ACTR6: variants seen among roughly 807,000 people sequenced by gnomAD.
ACTR6 encodes actin related protein 6, also known as actin-related protein 6.
Under a neutral mutation model 52.5 loss-of-function variants are expected in ACTR6, and 50 were observed. That is an observed-to-expected ratio of 0.95 (90% CI 0.76 to 1.20). The LOEUF is 1.20. Ranked by LOEUF, ACTR6 falls within the 50% of genes most tolerant of loss-of-function variation. The pLI is 0.00. For synonymous variants in ACTR6, 135 were observed against 147.2 expected (o/e 0.92, Z 0.60); for missense variants, 344 against 472.4 (o/e 0.73, Z 2.52).
chr12:100,218,590 C>A lies in ACTR6; in HGVS notation c.922+4C>A. ...TCAATTCAAAATCTACCTGAAGGTA[C>A]ATAAATAGAGTAAAATACTAAAGAA... On this transcript the variant is annotated splice_donor_region_variant and intron_variant, in intron 9 of 10. Coordinates refer to ENST00000188312, the MANE Select transcript of ACTR6 (RefSeq NM_022496.5). The surrounding 1 kb of genome is among the most constrained non-coding windows in gnomAD (Gnocchi z 4.2). 1.4e-6 allele frequency: 2 copies of A among 1,471,668 alleles called. No homozygotes were observed. Among genetic ancestry groups the A allele is most frequent in the Non-Finnish European group, 9.1e-7 (1 of 1,103,938 alleles). 91.2% of individuals were successfully genotyped at this position (1,471,668 alleles called of 1,614,324 possible).
intron 10 of ACTR6, among the ~76,000 whole-genome samples, chr12:100,222,233 G>C (rs1261767244): frequency 1.3e-5 from 2 of 148,756 alleles, no homozygotes; most frequent in Non-Finnish European, 3.0e-5. Flanking sequence ...GATTACAGGT[G>C]TGAGCTACTG....
chr12:100,219,894 G>C (rs1228067560), intron 9 of ACTR6, 114 bp from the exon 10 acceptor site: 1 of 1,050,518 alleles, frequency 9.5e-7, no homozygotes, highest in Admixed American at 2.7e-5. Flanking sequence ...TTTCCCACCA[G>C]TAACTGTAAT....
Position 100,212,351 on chromosome 12 carries a change from C to A in ACTR6, c.668C>A (p.Ala223Glu). 6.2e-7 allele frequency: 1 copy of A among 1,604,440 alleles called. No homozygotes were observed. Among genetic ancestry groups the A allele is most frequent in the Non-Finnish European group, 8.5e-7 (1 of 1,172,290 alleles). ...SQDFYRDMDI[A>E]KLKGEENTVM... ...GATTTTTATAGAGACATGGATATTG[C>A]AAAGTATGTATAATGACAATCTAAG... Residue 223 changes from alanine (A) to glutamate (E), a missense_variant, in exon 7 of 11, where the codon GCA becomes GAA. Transcript: ENST00000188312.
chr12:100,202,125 G>T (rs963388313), intron 1 of ACTR6, among the ~76,000 whole-genome samples: 5 of 152,050 alleles, frequency 3.3e-5, no homozygotes, highest in Non-Finnish European at 7.3e-5. Context: ...AGAGACGGGG[G>T]TTTCACCATT....
At chr12:100,214,562 C>CAA (rs1258155369) in intron 8 of ACTR6, among the ~76,000 whole-genome samples, 44 of 64,838 alleles carry the variant, frequency 6.8e-4, no homozygotes, top group East Asian at 2.1e-3. Flanking sequence ...CCTGTCTCTA[C>CAA]AAAAAAAAAA....
At chr12:100,208,849 G>T (rs1343141102) in intron 4 of ACTR6, 3 of 441,714 alleles carry the variant, frequency 6.8e-6, no homozygotes, top group Non-Finnish European at 1.4e-5. Context: ...TGGGCTCAAG[G>T]GATCCTCCCG....
At position 100,207,599 on chromosome 12, in the gene ACTR6, A is replaced by G. The variant is rs955317901; in HGVS notation, c.256-64A>G. 29 of 1,315,214 alleles carry G rather than the reference A, an allele frequency of 2.2e-5. No homozygotes were observed. The East Asian group carries it at 7.3e-4, about 33-fold the overall frequency. 81.5% of individuals were successfully genotyped at this position (1,315,214 alleles called of 1,614,324 possible). A position where few individuals can be genotyped will look rare whatever the true frequency, so the allele number is the denominator to read the frequency against. On this transcript the variant is annotated intron_variant, in intron 3 of 10. Coordinates refer to ENST00000188312, the MANE Select transcript of ACTR6 (RefSeq NM_022496.5). ...GAGGATTAAATAAATTTGTTTGTAC[A>G]TGTAAAACAAGTGTTAATTATCATT...
Position 100,205,499 on chromosome 12 carries a change from AT to A in ACTR6, c.187-168del, listed in dbSNP as rs1019543768. 317 of 382,882 alleles carry A rather than the reference AT, an allele frequency of 8.3e-4. 1 individual carries two copies. The highest frequency in any genetic ancestry group is 2.3e-3 in the Middle Eastern group (3 of 1,290). 23.7% of individuals were successfully genotyped at this position (382,882 alleles called of 1,614,324 possible). ...CCAGAATTTAAAGTATAATAAAAAA[AT>A]TTTTTTTTAAATTAAAAAAAAGAAA... On this transcript the variant is annotated intron_variant, in intron 2 of 10. Transcript: ENST00000188312.
At position 100,223,979 on chromosome 12, in the gene ACTR6, T is replaced by TA; in HGVS notation, c.*64_*65insA. On this transcript the variant is annotated 3_prime_UTR_variant, in exon 11 of 11. Coordinates refer to ENST00000188312, the MANE Select transcript of ACTR6 (RefSeq NM_022496.5). ...ATTTCAAAGTTCCTTTTAAAAGAGG[T>TA]TAAGGAACTGTGTTACCTTTTGTCC... is the stretch of plus-strand genomic sequence containing the variant. 6.5e-7 allele frequency: 1 copy of TA among 1,528,734 alleles called. No individual in the cohort carries two copies. The highest frequency in any genetic ancestry group is 8.8e-7 in the Non-Finnish European group (1 of 1,138,282). 94.7% of individuals were successfully genotyped at this position (1,528,734 alleles called of 1,614,324 possible). A position where few individuals can be genotyped will look rare whatever the true frequency, so the allele number is the denominator to read the frequency against.
chr12:100,203,336 C>T (rs1225147013), intron 1 of ACTR6, among the ~76,000 whole-genome samples: 1 of 152,156 alleles, frequency 6.6e-6, no homozygotes, highest in Non-Finnish European at 1.5e-5. Context: ...CAGAGTCTTG[C>T]TCTGTCGCCC....
intron 2 of ACTR6, 74 bp from the exon 3 acceptor site, chr12:100,205,602 C>A (rs2096113844): frequency 2.2e-6 from 2 of 901,980 alleles, no homozygotes; most frequent in Non-Finnish European, 1.6e-6. Flanking sequence ...AAAAATTATT[C>A]AAATATTTAT....
intron 9 of ACTR6, 114 bp from the exon 10 acceptor site, chr12:100,219,894 G>A (rs1228067560): frequency 9.5e-6 from 10 of 1,050,400 alleles, no homozygotes; most frequent in East Asian, 2.5e-5. Flanking sequence ...TTTCCCACCA[G>A]TAACTGTAAT....
intron 10 of ACTR6, among the ~76,000 whole-genome samples, chr12:100,222,443 A>G (rs1038396119): frequency 1.3e-5 from 2 of 151,850 alleles, no homozygotes; most frequent in African/African-American, 4.8e-5. Flanking sequence ...TTTTTGGTAG[A>G]GATGGGATCT....
intron 1 of ACTR6, among the ~76,000 whole-genome samples, chr12:100,202,703 A>C (rs563911388): frequency 6.6e-6 from 1 of 152,114 alleles, no homozygotes; most frequent in African/African-American, 2.4e-5. Context: ...CTAAAAATAC[A>C]AAAATTAGCC....
intron 3 of ACTR6, among the ~76,000 whole-genome samples, chr12:100,206,693 G>C (rs1259064544): frequency 6.6e-6 from 1 of 150,514 alleles, no homozygotes; most frequent in Non-Finnish European, 1.5e-5. Flanking sequence ...TTTTTAGGGG[G>C]AGTCTTGCTC....
chr12:100,213,238 A>G (rs2096121436), intron 8 of ACTR6, among the ~76,000 whole-genome samples: 1 of 151,954 alleles, frequency 6.6e-6, no homozygotes, highest in Non-Finnish European at 1.5e-5. Flanking sequence ...GATTGCAGGC[A>G]TGTGCCACCA....
intron 4 of ACTR6, among the ~76,000 whole-genome samples, chr12:100,209,211 T>C (rs1448788566): frequency 6.6e-6 from 1 of 152,224 alleles, no homozygotes; most frequent in Non-Finnish European, 1.5e-5. Context: ...TTTAAGTCCA[T>C]ATAAGCAGCA....
intron 10 of ACTR6, among the ~76,000 whole-genome samples, chr12:100,222,731 CT>C (rs2096129297): frequency 6.6e-6 from 1 of 151,992 alleles, no homozygotes; most frequent in African/African-American, 2.4e-5. Context: ...TTTTCTTTAC[CT>C]TTTTCAGATT....
At chr12:100,219,455 A>C (rs985662753) in intron 9 of ACTR6, among the ~76,000 whole-genome samples, 6 of 152,212 alleles carry the variant, frequency 3.9e-5, no homozygotes, top group Non-Finnish European at 8.8e-5. Flanking sequence ...AACTTTAATG[A>C]GTGTTCATAC....
Sources: allele counts gnomAD v4.1 joint callset (sites outside exome capture counted in the v4.1 genomes callset), GRCh38; gene constraint gnomAD v4.1.1; non-coding constraint Gnocchi (gnomAD v3.1); transcripts MANE v1.5; gene names NCBI Gene and HGNC (gene_info 2026-07-23, HGNC 2026-07-21).